Variants in JADE1 observed in about 807,000 individuals in gnomAD.
JADE1 encodes protein Jade-1.
Under a neutral mutation model 81.8 loss-of-function variants are expected in JADE1, and 14 were observed. The observed-to-expected ratio is 0.17, with a 90% CI of 0.11 to 0.27. The LOEUF (loss-of-function observed/expected upper bound fraction) is 0.27, where lower values mean the gene tolerates loss of function less well. JADE1 is among the 10% of genes least tolerant of loss of function. The pLI, the probability that JADE1 is intolerant of heterozygous loss-of-function variation, is 1.00. For synonymous variants in JADE1, 353 were observed against 391.9 expected, an observed-to-expected ratio of 0.90 and a Z score of 1.17; for missense variants, 690 against 1,047.9, an observed-to-expected ratio of 0.66 and a Z score of 4.71.
intron 1 of JADE1, among the ~76,000 whole-genome samples, chr4:128,826,015 G>C (rs1728029174): frequency 6.6e-6 from 1 of 152,248 alleles, no homozygotes; most frequent in South Asian, 2.1e-4. Flanking sequence ...TTTCCAGGCA[G>C]TGTTCTGTTT....
chr4:128,824,420 AAAAAAT>A (rs1727861326), intron 1 of JADE1, among the ~76,000 whole-genome samples: 1 of 143,994 alleles, frequency 6.9e-6, no homozygotes, highest in African/African-American at 2.6e-5. Flanking sequence ...TCCAACTCAA[AAAAAAT>A]AAAATAAAAG....
chr4:128,830,919 GAGTTGGCC>G (rs1728498733), intron 1 of JADE1, among the ~76,000 whole-genome samples: 1 of 152,168 alleles, frequency 6.6e-6, no homozygotes, highest in Admixed American at 6.5e-5. Flanking sequence ...TACCTGGGAG[GAGTTGGCC>G]AGGTGCGCTG....
At chr4:128,821,437 A>AT (rs1727557724) in intron 1 of JADE1, among the ~76,000 whole-genome samples, 1 of 151,050 alleles carries the variant, frequency 6.6e-6, no homozygotes, top group Non-Finnish European at 1.5e-5. Context: ...GCCTTTTTAA[A>AT]TTTTTTCCAA....
Position 128,830,219 on chromosome 4 carries a change from A to G in JADE1, c.-26-1514A>G, listed in dbSNP as rs1728429171. On this transcript the variant is annotated intron_variant, in intron 1 of 10. Coordinates refer to ENST00000226319, the MANE Select transcript of JADE1 (RefSeq NM_199320.4). Reference sequence around the variant, plus strand: ...TCTCCACACCATTCCTATGTGCCCCACTTCTATTGTTGTGTGTATGTGTGT... The same window carrying G: ...TCTCCACACCATTCCTATGTGCCCCGCTTCTATTGTTGTGTGTATGTGTGT... Among the ~76,000 whole-genome samples, 3 of 147,384 alleles carry G rather than the reference A, an allele frequency of 2.0e-5. No individual in the cohort carries two copies. In the South Asian group the frequency reaches 6.4e-4, roughly 32 times the overall value.
intron 5 of JADE1, among the ~76,000 whole-genome samples, chr4:128,851,256 C>T (rs1730330735): frequency 6.6e-6 from 1 of 152,204 alleles, no homozygotes; most frequent in South Asian, 2.1e-4. Context: ...CTATGTTTTT[C>T]AACCTTGTAG....
At chr4:128,863,657 T>G in intron 9 of JADE1, 2 of 985,398 alleles carry the variant, frequency 2.0e-6, no homozygotes, top group Non-Finnish European at 2.4e-6. Flanking sequence ...GCTTTTGTGC[T>G]CCCATACGCC....
rs1726175113 is a variant in JADE1, at chr4:128,809,839, C to CGCCCA, written c.-57_-53dup. The CGCCCA allele has an allele frequency of 6.6e-6, 1 of 150,968 alleles. No homozygotes were observed. The highest frequency in any genetic ancestry group is 6.6e-5 in the Admixed American group (1 of 15,114). The allele number at this position is 150,968 out of a possible 1,614,324, so 9.4% of individuals were successfully genotyped here. On this transcript the variant is annotated 5_prime_UTR_variant, in exon 1 of 11. Transcript: ENST00000226319. ...CATGCAGCTCCGAGCGAGCGAGCGGCGCCCAGCCCAGCGCCTCGGCCGAAC... is the reference window on the plus strand; with the variant it reads ...CATGCAGCTCCGAGCGAGCGAGCGGCGCCCAGCCCAGCCCAGCGCCTCGGCCGAAC...
intron 1 of JADE1, among the ~76,000 whole-genome samples, chr4:128,826,864 C>T (rs989340057): frequency 2.0e-5 from 3 of 152,280 alleles, no homozygotes; most frequent in South Asian, 4.1e-4. Context: ...CACGCTCCTC[C>T]GGTCCTCCGC....
rs1326189068 is a variant in JADE1 at position 128,874,176 on chromosome 4, T to TG, written c.*1915dup. 2 of 152,630 alleles carry TG rather than the reference T, an allele frequency of 1.3e-5. No individual in the cohort carries two copies. Among genetic ancestry groups the TG allele is most frequent in the Non-Finnish European group, 2.9e-5 (2 of 68,036 alleles). 9.5% of individuals were successfully genotyped at this position (152,630 alleles called of 1,614,324 possible). On this transcript the variant is annotated 3_prime_UTR_variant, in exon 11 of 11. Transcript: ENST00000226319. ...GATAATTTAAAAATTAGATTTTTTT[T>TG]GCATATGAGCAAAAACCTTTTGCTG...
At chr4:128,841,824 G>A (rs1160750103) in intron 2 of JADE1, among the ~76,000 whole-genome samples, 1 of 152,166 alleles carries the variant, frequency 6.6e-6, no homozygotes, top group Admixed American at 6.5e-5. Flanking sequence ...GGTACATGGA[G>A]AGGAGGAACC....
chr4:128,859,139 G>A (rs1252530148), intron 8 of JADE1, among the ~76,000 whole-genome samples: 4 of 152,068 alleles, frequency 2.6e-5, no homozygotes, highest in African/African-American at 7.2e-5. Context: ...AGTGGAGCAG[G>A]AAGAGAAAAG....
intron 9 of JADE1, chr4:128,863,285 A>C: frequency 1.0e-6 from 1 of 985,584 alleles, no homozygotes; most frequent in Non-Finnish European, 1.2e-6. Context: ...TTCTTAGAGC[A>C]TCTTCCACAT....
intron 4 of JADE1, among the ~76,000 whole-genome samples, chr4:128,848,167 G>A (rs900618453): frequency 1.6e-4 from 25 of 151,944 alleles, no homozygotes; most frequent in Non-Finnish European, 2.5e-4. Flanking sequence ...GGTAATGGCC[G>A]GGGTCTTATT....
chr4:128,823,973 A>G (rs966280624), intron 1 of JADE1, among the ~76,000 whole-genome samples: 1 of 152,180 alleles, frequency 6.6e-6, no homozygotes, highest in African/African-American at 2.4e-5. Context: ...ATATTTGGGT[A>G]TTTAGAACTG....
At chr4:128,856,484 T>A (rs1211029021) in intron 7 of JADE1, among the ~76,000 whole-genome samples, 1 of 152,156 alleles carries the variant, frequency 6.6e-6, no homozygotes, top group African/African-American at 2.4e-5. Flanking sequence ...CTGTACATCC[T>A]GTGTGTGGCA....
chr4:128,851,995 A>G (rs1730396177), intron 5 of JADE1, 62 bp from the exon 6 acceptor site: 1 of 1,004,530 alleles, frequency 1.0e-6, no homozygotes, highest in East Asian at 2.6e-5. Context: ...AACCAGTACT[A>G]TTTTGTAATA....
At chr4:128,862,868 A>C (rs932288291) in intron 9 of JADE1, 1 of 988,436 alleles carries the variant, frequency 1.0e-6, no homozygotes, top group African/African-American at 1.8e-5. Flanking sequence ...TACTCCTGGC[A>C]GTGAGGTGCT....
chr4:128,844,167 C>G (rs905874686), intron 3 of JADE1, among the ~76,000 whole-genome samples: 1 of 152,160 alleles, frequency 6.6e-6, no homozygotes, highest in Admixed American at 6.5e-5. Flanking sequence ...GATGTTCACA[C>G]TAAACTCCTG....
At position 128,873,273 on chromosome 4, in the gene JADE1, G is replaced by GAAAAAAA. The variant is rs1553953485; in HGVS notation, c.*1012_*1018dup. Reference sequence around the variant, plus strand: ...AGAAAAAGGAAAAAAAAAAAAAAAAGAAAAAAAGAAAAAAAAAAGAAAAAA... The same window carrying GAAAAAAA: ...AGAAAAAGGAAAAAAAAAAAAAAAAGAAAAAAAAAAAAAAGAAAAAAAAAAGAAAAAA... On this transcript the variant is annotated 3_prime_UTR_variant, in exon 11 of 11. Transcript: ENST00000226319. The GAAAAAAA allele has an allele frequency of 1.3e-5, 1 of 78,658 alleles. No individual in the cohort carries two copies. Among genetic ancestry groups the GAAAAAAA allele is most frequent in the African/African-American group, 4.7e-5 (1 of 21,246 alleles). 4.9% of individuals were successfully genotyped at this position (78,658 alleles called of 1,614,324 possible).
Sources: gnomAD v4.1 joint callset for allele counts (sites outside exome capture counted in the v4.1 genomes callset) on GRCh38, gnomAD v4.1.1 for gene constraint, MANE v1.5 for transcripts, NCBI Gene and HGNC (gene_info 2026-07-23, HGNC 2026-07-21) for gene names.